The following ZFP64 variants were observed in gnomAD, a reference collection of about 807,000 sequenced individuals.
The protein encoded by ZFP64 is ZFP64 zinc finger protein.
In ZFP64, 14 loss-of-function variants were observed where a neutral mutation model predicts 51.6. That is an observed-to-expected ratio of 0.27 (90% CI 0.18 to 0.42). The LOEUF is 0.42. ZFP64 is among the 10% of genes least tolerant of loss of function. ZFP64 has a pLI of 1.00. For synonymous variants in ZFP64, 375 were observed against 361.4 expected (o/e 1.04, Z -0.43); for missense variants, 754 against 906.8 (o/e 0.83, Z 2.16).
At position 52,165,921 on chromosome 20, in the gene ZFP64, G is replaced by T; in HGVS notation, c.391C>A (p.Arg131Ser). Residue 131 changes from arginine (R) to serine (S), a missense_variant, in exon 3 of 6, where the codon CGC becomes AGC. Arg to Ser is a moderately radical substitution (Grantham distance 110). Transcript: ENST00000216923. The part of the protein sequence containing the change: ...ATVISLPAKS[R>S]TKKPTTPPAQ... ...GGTGGTGTTGTGGGCTTTTTGGTGC[G>T]TGACTTGGCAGGGAGAGAGATGACA... is the stretch of plus-strand genomic sequence containing the variant. 6.2e-7 allele frequency: 1 copy of T among 1,614,124 alleles called. No individual in the cohort carries two copies. Among genetic ancestry groups the T allele is most frequent in the Non-Finnish European group, 8.5e-7 (1 of 1,180,006 alleles).
At chr20:52,139,909 G>T (rs546145521) in intron 5 of ZFP64, among the ~76,000 whole-genome samples, 1 of 147,254 alleles carries the variant, frequency 6.8e-6, no homozygotes, top group Non-Finnish European at 1.5e-5. Flanking sequence ...CAAGTCTTAC[G>T]GGCACCATTT....
At chr20:52,149,707 A>G (rs548774394), downstream of ZFP64, among the ~76,000 whole-genome samples, 1 of 152,308 alleles carries the variant, frequency 6.6e-6, no homozygotes, top group African/African-American at 2.4e-5. Context: ...AAAAGACAAA[A>G]CAACCAACAA....
At chr20:52,154,264 A>C (rs1788224423) in intron 5 of ZFP64, among the ~76,000 whole-genome samples, 1 of 152,168 alleles carries the variant, frequency 6.6e-6, no homozygotes, top group South Asian at 2.1e-4. Context: ...CGCTATGCTG[A>C]GCACTCCACA....
intron 2 of ZFP64, among the ~76,000 whole-genome samples, chr20:52,176,736 C>T (rs950184758): frequency 1.3e-5 from 2 of 151,908 alleles, no homozygotes; most frequent in African/African-American, 4.8e-5. Context: ...GTCTCTATCT[C>T]CTGACCTCAT....
chr20:52,180,643 TG>T (rs1374383606), intron 2 of ZFP64, among the ~76,000 whole-genome samples: 1 of 151,410 alleles, frequency 6.6e-6, no homozygotes, highest in Non-Finnish European at 1.5e-5. Context: ...TAACAATCCA[TG>T]GGCTGTTTTG....
rs79784252 is a variant in ZFP64 at position 52,161,980 on chromosome 20, G to A, written c.512-1606C>T. Among the ~76,000 whole-genome samples, 123 of 152,278 alleles carry A rather than the reference G, an allele frequency of 8.1e-4. 2 individuals carry two copies. The East Asian group carries it at 0.022, about 27-fold the overall frequency. Reference sequence around the variant, plus strand: ...TCATAAATAAATATTTGGGATTTAAGAATACATCTAAAAGTTTATTAAAGA... The same window carrying A: ...TCATAAATAAATATTTGGGATTTAAAAATACATCTAAAAGTTTATTAAAGA... On this transcript the variant is annotated intron_variant, in intron 4 of 5. Transcript: ENST00000216923.
chr20:52,179,571 T>C (rs1983471330), intron 2 of ZFP64, among the ~76,000 whole-genome samples: 1 of 152,206 alleles, frequency 6.6e-6, no homozygotes, highest in African/African-American at 2.4e-5. Context: ...AAACTAGAAA[T>C]TGAGCAACTA....
intron 5 of ZFP64, chr20:52,104,951 G>A (rs1978298331): frequency 2.8e-6 from 2 of 720,006 alleles, no homozygotes; most frequent in South Asian, 1.8e-5. Context: ...GTGGACTCCA[G>A]GAGAGTGTAA....
At chr20:52,163,901 C>T (rs866100110) in intron 4 of ZFP64, among the ~76,000 whole-genome samples, 16 of 151,822 alleles carry the variant, frequency 1.1e-4, no homozygotes, top group Admixed American at 2.0e-4. Context: ...TTTTCTTTTC[C>T]CATGCATTGA....
rs575530489 is a variant in ZFP64, at chr20:52,191,738, C to T, written c.-102G>A. 1.4e-3 allele frequency: 1,857 copies of T among 1,364,168 alleles called. 1 individual carries two copies. Among genetic ancestry groups the T allele is most frequent in the Non-Finnish European group, 1.3e-3 (1,394 of 1,033,398 alleles). The allele number at this position is 1,364,168 out of a possible 1,614,324, so 84.5% of individuals were successfully genotyped here. On this transcript the variant is annotated 5_prime_UTR_variant, in exon 1 of 6. In the 5' UTR this introduces an upstream ATG that the reference lacks. Coordinates refer to ENST00000216923, the MANE Select transcript of ZFP64 (RefSeq NM_018197.3). The surrounding 1 kb of genome is among the most constrained non-coding windows in gnomAD (Gnocchi z 4.3). ...TCCTTTTATTTTTCCACACCCCCCA[C>T]CCTGCCTTCTCCCAACTCTGCGAGG...
chr20:52,096,913 T>C (rs1009803950), intron 7 of ZFP64: 4 of 367,130 alleles, frequency 1.1e-5, no homozygotes, highest in Non-Finnish European at 2.2e-5. Flanking sequence ...AACAAAAAGA[T>C]AGTATTTTAG....
intron 5 of ZFP64, among the ~76,000 whole-genome samples, chr20:52,135,130 C>G (rs1329701247): frequency 6.6e-6 from 1 of 152,154 alleles, no homozygotes; most frequent in Non-Finnish European, 1.5e-5. Context: ...TCCCATAGTG[C>G]TGGGATTACA....
intron 5 of ZFP64, among the ~76,000 whole-genome samples, chr20:52,102,107 C>CCAAAAAAAAAAAAAAAAAAAA (rs551838560): frequency 1.1e-4 from 7 of 63,438 alleles, no homozygotes; most frequent in African/African-American, 4.8e-4. Flanking sequence ...ACTCCATCTC[C>CCAAAAAAAAAAAAAAAAAAAA]AAAAAAAAAA....
intron 5 of ZFP64, among the ~76,000 whole-genome samples, chr20:52,119,247 T>C (rs1288880120): frequency 6.6e-6 from 1 of 151,892 alleles, no homozygotes; most frequent in Non-Finnish European, 1.5e-5. Context: ...CTGGGTTCGG[T>C]GGTTCACGCC....
chr20:52,104,002 G>C (rs749402670), intron 5 of ZFP64, among the ~76,000 whole-genome samples: 1 of 152,200 alleles, frequency 6.6e-6, no homozygotes, highest in Non-Finnish European at 1.5e-5. Context: ...GGGGTGAGCC[G>C]CCCCGGAGAG....
intron 2 of ZFP64, among the ~76,000 whole-genome samples, chr20:52,174,340 G>A (rs1983000198): frequency 6.6e-6 from 1 of 152,028 alleles, no homozygotes; most frequent in Non-Finnish European, 1.5e-5. Flanking sequence ...ACAAAAATTA[G>A]CTGGGTGTGG....
chr20:52,106,620 C>T (rs1978319639), intron 5 of ZFP64, among the ~76,000 whole-genome samples: 1 of 152,140 alleles, frequency 6.6e-6, no homozygotes, highest in African/African-American at 2.4e-5. Context: ...CAAAAGCTGA[C>T]CTGTTTTCCT....
At chr20:52,084,466 C>G in exon 9 of ZFP64, 1 of 1,317,914 alleles carries the variant, frequency 7.6e-7, no homozygotes, top group Non-Finnish European at 1.0e-6. Context: ...AAGTGGTGCC[C>G]AAAGCCTGTC....
chr20:52,134,052 AG>A (rs1286371900), intron 5 of ZFP64, among the ~76,000 whole-genome samples: 4 of 149,834 alleles, frequency 2.7e-5, no homozygotes, highest in African/African-American at 9.8e-5. Flanking sequence ...AAAAAAAAAA[AG>A]GAGGACTTTT....
Sources: gnomAD v4.1 joint callset for allele counts (sites outside exome capture counted in the v4.1 genomes callset) on GRCh38, gnomAD v4.1.1 for gene constraint, Gnocchi (gnomAD v3.1) non-coding constraint, MANE v1.5 for transcripts, NCBI Gene and HGNC (gene_info 2026-07-23, HGNC 2026-07-21) for gene names.